Variants in NDUFV3 observed in about 807,000 individuals in gnomAD.
NDUFV3 encodes the protein NADH dehydrogenase [ubiquinone] flavoprotein 3, mitochondrial.
NDUFV3 carries 44 observed loss-of-function variants against 37.5 expected under a neutral mutation model. The ratio of observed to expected loss-of-function variants is 1.17; its 90% CI spans 0.92 to 1.51. The LOEUF is 1.51. Ranked by LOEUF, NDUFV3 falls within the 40% of genes most tolerant of loss-of-function variation. The pLI, the probability that NDUFV3 is intolerant of heterozygous loss-of-function variation, is 0.00. For missense variants in NDUFV3, 580 were observed against 580.4 expected, an observed-to-expected ratio of 1.00 and a Z score of 0.01; for synonymous variants, 235 against 239.3, an observed-to-expected ratio of 0.98 and a Z score of 0.17.
At chr21:42,901,505 G>A (rs1482598929) in intron 2 of NDUFV3, among the ~76,000 whole-genome samples, 1 of 151,848 alleles carries the variant, frequency 6.6e-6, no homozygotes, top group Non-Finnish European at 1.5e-5. Context: ...GGAGGCTGAG[G>A]CAGGAAGATC....
intron 1 of NDUFV3, among the ~76,000 whole-genome samples, chr21:42,893,606 G>T (rs369068652): frequency 3.9e-5 from 6 of 152,288 alleles, no homozygotes; most frequent in Admixed American, 1.3e-4. Flanking sequence ...CGCCGCCGCC[G>T]CTGCCCGAGG....
rs2079173224 is a variant in NDUFV3, at chr21:42,903,871, G to A, written c.859G>A (p.Val287Ile). The change falls in exon 3 of 4, where the codon GTT (valine) becomes ATT (isoleucine). Residue 287 changes from valine to isoleucine, a missense_variant. By Grantham distance (29) the Val-to-Ile change is conservative (BLOSUM62 3). Coordinates refer to ENST00000354250, the MANE Select transcript of NDUFV3 (RefSeq NM_021075.4). Reference protein sequence around the residue: ...IDKESQKPFEVKGPLPVHTKS... With the variant: ...IDKESQKPFEIKGPLPVHTKS... ...TAAAGAAAGCCAAAAGCCATTTGAA[G>A]TTAAAGGACCCTTACCTGTCCACAC... is the stretch of plus-strand genomic sequence containing the variant. The A allele has an allele frequency of 1.9e-6, 3 of 1,612,720 alleles. No individual in the cohort carries two copies. Among genetic ancestry groups the A allele is most frequent in the Non-Finnish European group, 1.7e-6 (2 of 1,179,754 alleles).
chr21:42,896,754 G>A lies in NDUFV3; in HGVS notation c.49-173G>A, dbSNP rs141922691. ...GTAGTCCTGGCTATGTCAGAGTATC[G>A]CTTGGACCCAGGAGTTGAAGGCTGC... On this transcript the variant is annotated intron_variant, in intron 1 of 3. Coordinates refer to ENST00000354250, the MANE Select transcript of NDUFV3 (RefSeq NM_021075.4). Among the ~76,000 whole-genome samples the A allele has an allele frequency of 2.7e-3, 412 of 152,100 alleles. 1 individual carries two copies. Among genetic ancestry groups the A allele is most frequent in the African/African-American group, 9.6e-3 (397 of 41,486 alleles).
chr21:42,899,165 G>C (rs2058707315), intron 2 of NDUFV3, among the ~76,000 whole-genome samples: 1 of 152,210 alleles, frequency 6.6e-6, no homozygotes, highest in Non-Finnish European at 1.5e-5. Context: ...GGGTGGTTGT[G>C]AGACTGGCTG....
chr21:42,905,717 T>C (rs2058738189), intron 3 of NDUFV3, among the ~76,000 whole-genome samples: 1 of 152,076 alleles, frequency 6.6e-6, no homozygotes. Context: ...GGTTTTACCA[T>C]GTAGGCCAGG....
At chr21:42,904,312 C>A (rs1183485848) in intron 3 of NDUFV3, 36 bp downstream of exon 3, 1 of 1,561,312 alleles carries the variant, frequency 6.4e-7, no homozygotes, top group South Asian at 1.2e-5. Flanking sequence ...TGCACCCTGT[C>A]CCTTAGGGTA....
At chr21:42,898,841 T>C (rs1445490591) in intron 2 of NDUFV3, among the ~76,000 whole-genome samples, 3 of 152,262 alleles carry the variant, frequency 2.0e-5, no homozygotes, top group Admixed American at 6.5e-5. Flanking sequence ...TTGCTAACAT[T>C]ATCCTCTCCT....
At chr21:42,898,217 GTTAT>G (rs1010202408) in intron 2 of NDUFV3, among the ~76,000 whole-genome samples, 13 of 152,268 alleles carry the variant, frequency 8.5e-5, no homozygotes, top group Non-Finnish European at 1.2e-4. Flanking sequence ...CCACGGGAAT[GTTAT>G]TTAGTTTTGT....
intron 3 of NDUFV3, among the ~76,000 whole-genome samples, chr21:42,908,461 G>A (rs926322033): frequency 1.3e-5 from 2 of 152,180 alleles, no homozygotes; most frequent in African/African-American, 2.4e-5. Flanking sequence ...TCACAGATAG[G>A]GTTGATGAAG....
chr21:42,899,277 G>GT (rs370812043), intron 2 of NDUFV3, among the ~76,000 whole-genome samples: 20 of 141,158 alleles, frequency 1.4e-4, no homozygotes, highest in Non-Finnish European at 2.1e-4. Context: ...GTTGTATCTT[G>GT]TTTTTTTTTG....
In NDUFV3 at chr21:42,897,958, G is replaced by C. The variant is rs1050791184; in HGVS notation, c.169+911G>C. 5.3e-5 allele frequency among the ~76,000 whole-genome samples: 8 copies of C among 152,248 alleles called. No homozygotes were observed. In the South Asian group the frequency reaches 1.2e-3, roughly 24 times the overall value. The stretch of plus-strand genomic sequence containing the variant: ...CCCAGAGTGCTGGAATTACAGGCGT[G>C]AGCCACCGTGCCCAGTCCTAAATCT... On this transcript the variant is annotated intron_variant, in intron 2 of 3. Coordinates refer to ENST00000354250, the MANE Select transcript of NDUFV3 (RefSeq NM_021075.4).
chr21:42,906,096 G>A (rs539083638), intron 3 of NDUFV3, among the ~76,000 whole-genome samples: 11 of 146,592 alleles, frequency 7.5e-5, no homozygotes, highest in Non-Finnish European at 1.5e-4. Flanking sequence ...ACTCCTGACC[G>A]CGGGTGATCC....
Position 42,903,356 on chromosome 21 carries a change from T to C in NDUFV3, c.344T>C (p.Phe115Ser). 1 of 1,614,150 alleles carries C rather than the reference T, an allele frequency of 6.2e-7. No homozygotes were observed. The highest frequency in any genetic ancestry group is 8.5e-7 in the Non-Finnish European group (1 of 1,180,034). Residue 115 changes from phenylalanine (F) to serine (S), a missense_variant, in exon 3 of 4, where the codon TTT becomes TCT. By Grantham distance (155) the Phe-to-Ser change is radical (BLOSUM62 -2). Transcript: ENST00000354250. ...TTCACAGATGAAGGGGTTCCGAAATTTTTGTCAAGAAAGACTTTGGTAGAG... is the reference window on the plus strand; with the variant it reads ...TTCACAGATGAAGGGGTTCCGAAATCTTTGTCAAGAAAGACTTTGGTAGAG... ...VLFTDEGVPKFLSRKTLVEFP... is the reference protein window; with the variant it reads ...VLFTDEGVPKSLSRKTLVEFP...
intron 2 of NDUFV3, among the ~76,000 whole-genome samples, chr21:42,898,779 A>G (rs1264030275): frequency 6.6e-6 from 1 of 152,210 alleles, no homozygotes; most frequent in African/African-American, 2.4e-5. Context: ...CCTACCTGGC[A>G]TGTTTTTGAC....
intron 1 of NDUFV3, among the ~76,000 whole-genome samples, chr21:42,895,654 A>T (rs1264160167): frequency 9.0e-6 from 1 of 111,114 alleles, no homozygotes; most frequent in African/African-American, 3.1e-5. Context: ...CCTGTCTCCA[A>T]AAAAAAAAAA....
Position 42,910,402 on chromosome 21 carries a change from A to C in NDUFV3, c.*1381A>C, listed in dbSNP as rs1262594644. On this transcript the variant is annotated 3_prime_UTR_variant, in exon 4 of 4. Coordinates refer to ENST00000354250, the MANE Select transcript of NDUFV3 (RefSeq NM_021075.4). ...GTATTGCAGTATTTTACCATCAGAA[A>C]AGGAAGGGAATTGTTTTGTTTGCCT... The C allele has an allele frequency of 6.6e-6, 1 of 152,366 alleles. No homozygotes were observed. The highest frequency in any genetic ancestry group is 1.5e-5 in the Non-Finnish European group (1 of 68,114). The allele number at this position is 152,366 out of a possible 1,614,324, so 9.4% of individuals were successfully genotyped here. A position where few individuals can be genotyped will look rare whatever the true frequency, so the allele number is the denominator to read the frequency against.
At chr21:42,906,901 AAATG>A (rs759908055) in intron 3 of NDUFV3, 8 of 518,682 alleles carry the variant, frequency 1.5e-5, no homozygotes, top group African/African-American at 1.9e-5. Context: ...CCAGCTCTTT[AAATG>A]AGACATCGTT....
At chr21:42,894,711 A>G (rs1466982837) in intron 1 of NDUFV3, among the ~76,000 whole-genome samples, 3 of 149,698 alleles carry the variant, frequency 2.0e-5, no homozygotes, top group East Asian at 2.0e-4. Flanking sequence ...AGATAGGGAA[A>G]TTCATTGACA....
Position 42,909,693 on chromosome 21 carries a change from A to C in NDUFV3, c.*672A>C, listed in dbSNP as rs1478570454. ...CAATAATGTAATAGTGACTTCTTTT[A>C]TTTTTTTTGAGATGGAGTCTCTGTT... On this transcript the variant is annotated 3_prime_UTR_variant, in exon 4 of 4. Transcript: ENST00000354250. 1 of 151,438 alleles carries C rather than the reference A, an allele frequency of 6.6e-6. No homozygotes were observed. Among genetic ancestry groups the C allele is most frequent in the Non-Finnish European group, 1.5e-5 (1 of 67,942 alleles). The allele number at this position is 151,438 out of a possible 1,614,324, so 9.4% of individuals were successfully genotyped here.
Sources: allele counts gnomAD v4.1 joint callset (sites outside exome capture counted in the v4.1 genomes callset), GRCh38; gene constraint gnomAD v4.1.1; transcripts MANE v1.5; gene names NCBI Gene and HGNC (gene_info 2026-07-23, HGNC 2026-07-21).